MINPP1: variants seen among roughly 807,000 people sequenced by gnomAD.
MINPP1 encodes the protein multiple inositol polyphosphate phosphatase 1.
Under a neutral mutation model 46.1 loss-of-function variants are expected in MINPP1, and 28 were observed. The observed-to-expected ratio is 0.61, with a 90% CI of 0.45 to 0.83. The LOEUF is 0.83. MINPP1 is among the 40% of genes least tolerant of loss of function. MINPP1 has a pLI of 0.00. For missense variants in MINPP1, 603 were observed against 610.0 expected (o/e 0.99, Z 0.12); for synonymous variants, 268 against 249.1 (o/e 1.08, Z -0.72).
intron 4 of MINPP1, among the ~76,000 whole-genome samples, chr10:87,534,999 A>T (rs2131830234): frequency 6.6e-6 from 1 of 152,362 alleles, no homozygotes; most frequent in African/African-American, 2.4e-5. Context: ...ATAAGAAGTT[A>T]TACCCGCTAC....
At chr10:87,510,947 A>G (rs1376509131) in intron 2 of MINPP1, among the ~76,000 whole-genome samples, 4 of 152,218 alleles carry the variant, frequency 2.6e-5, no homozygotes, top group African/African-American at 9.6e-5. Context: ...ATCTTCCAAC[A>G]GTAGATATTA....
Position 87,513,109 on chromosome 10 carries a change from T to C in MINPP1, c.836-15T>C, listed in dbSNP as rs1165283539. On this transcript the variant is annotated splice_polypyrimidine_tract_variant and intron_variant, in intron 2 of 4. Transcript: ENST00000371996. ...AAATAATGACCCACAAAATTTTACC[T>C]TTTTTTCCCCCCAGATTTAATTCAA... 1.3e-6 allele frequency: 2 copies of C among 1,591,648 alleles called. No individual in the cohort carries two copies. The highest frequency in any genetic ancestry group is 8.6e-7 in the Non-Finnish European group (1 of 1,160,418).
chr10:87,525,124 G>T (rs572425990), intron 4 of MINPP1, among the ~76,000 whole-genome samples: 1 of 152,284 alleles, frequency 6.6e-6, no homozygotes, highest in South Asian at 2.1e-4. Flanking sequence ...CAAAGCACAA[G>T]ATGAGGTAAT....
At chr10:87,527,848 TG>T (rs563012034) in intron 4 of MINPP1, among the ~76,000 whole-genome samples, 1,710 of 152,308 alleles carry the variant, frequency 0.011, 36 homozygotes, top group African/African-American at 0.039. Context: ...GGACTTTTTT[TG>T]GTTGGTAGGC....
intron 4 of MINPP1, among the ~76,000 whole-genome samples, chr10:87,550,664 C>T (rs145902668): frequency 4.6e-5 from 7 of 152,126 alleles, no homozygotes; most frequent in Non-Finnish European, 7.4e-5. Flanking sequence ...AGAGCCCCCC[C>T]GTTCTGGTGT....
intron 4 of MINPP1, among the ~76,000 whole-genome samples, chr10:87,522,163 G>A (rs986547012): frequency 5.3e-5 from 8 of 151,892 alleles, no homozygotes; most frequent in African/African-American, 1.2e-4. Flanking sequence ...AAAAAAAAAC[G>A]GAATGAAATA....
chr10:87,539,202 A>G (rs1300421196), intron 4 of MINPP1, among the ~76,000 whole-genome samples: 1 of 152,188 alleles, frequency 6.6e-6, no homozygotes, highest in East Asian at 1.9e-4. Context: ...TTCTATCCAG[A>G]CATTTATATA....
chr10:87,538,383 A>G (rs968625561), intron 4 of MINPP1, among the ~76,000 whole-genome samples: 2 of 152,160 alleles, frequency 1.3e-5, no homozygotes, highest in Non-Finnish European at 2.9e-5. Flanking sequence ...AAGCTGGGGC[A>G]GTTGTTGGAG....
chr10:87,537,080 G>GCATGTGC (rs1564680634), intron 4 of MINPP1, among the ~76,000 whole-genome samples: 1 of 152,122 alleles, frequency 6.6e-6, no homozygotes, highest in Non-Finnish European at 1.5e-5. Flanking sequence ...GGGATTACAG[G>GCATGTGC]CATGTGCCAC....
rs761738234 is a variant in MINPP1, at chr10:87,508,186, CAA to C, written c.638-149_638-148del. On this transcript the variant is annotated intron_variant, in intron 1 of 4. Coordinates refer to ENST00000371996, the MANE Select transcript of MINPP1 (RefSeq NM_004897.5). ...TTATAAATGGGGAATAATTTTACCC[CAA>C]GAGTTTCCTGACCAATATGTGCTTA... 1.4e-5 allele frequency: 21 copies of C among 1,546,120 alleles called. No homozygotes were observed. In the Admixed American group the frequency reaches 4.1e-4, roughly 30 times the overall value.
chr10:87,518,962 C>A (rs535142114), intron 3 of MINPP1, among the ~76,000 whole-genome samples: 1 of 152,146 alleles, frequency 6.6e-6, no homozygotes, highest in South Asian at 2.1e-4. Context: ...AGTATTCCTT[C>A]CCCCCAGGAT....
intron 1 of MINPP1, chr10:87,508,070 G>C (rs921451903): frequency 2.7e-5 from 40 of 1,466,246 alleles, no homozygotes; most frequent in Non-Finnish European, 3.5e-5. Flanking sequence ...AATGTATGAT[G>C]CAATTTCATT....
intron 4 of MINPP1, among the ~76,000 whole-genome samples, chr10:87,529,761 G>A (rs902658286): frequency 7.9e-5 from 12 of 152,160 alleles, no homozygotes; most frequent in Non-Finnish European, 1.0e-4. Context: ...GCCTTGCTAG[G>A]TTGGGGAAGT....
At chr10:87,516,000 T>G (rs1200426342) in intron 3 of MINPP1, among the ~76,000 whole-genome samples, 1 of 149,106 alleles carries the variant, frequency 6.7e-6, no homozygotes, top group Non-Finnish European at 1.5e-5. Flanking sequence ...GGCTAATGTT[T>G]GTATTTTTAG....
chr10:87,520,934 G>T (rs1032754552), intron 3 of MINPP1, 102 bp from the exon 4 acceptor site: 1 of 627,866 alleles, frequency 1.6e-6, no homozygotes, highest in African/African-American at 1.8e-5. Flanking sequence ...GTGCAGAATG[G>T]TAATTAAACA....
chr10:87,507,743 T>C, intron 1 of MINPP1: 1 of 723,348 alleles, frequency 1.4e-6, no homozygotes, highest in Non-Finnish European at 1.7e-6. Flanking sequence ...TTATTAAATT[T>C]TATATAGAAA....
rs1286602698 is a variant in MINPP1 at position 87,538,108 on chromosome 10, A to T, written c.1068-13974A>T. ...GAGTAATCTGTAATTAGCTCTGCTA[A>T]TTTTTTTTTTTTTTTTACCTATTCC... On this transcript the variant is annotated intron_variant, in intron 4 of 4. Coordinates refer to ENST00000371996, the MANE Select transcript of MINPP1 (RefSeq NM_004897.5). Among the ~76,000 whole-genome samples the T allele has an allele frequency of 4.4e-4, 63 of 142,880 alleles. 3 individuals carry two copies. In the South Asian group the frequency reaches 0.014, roughly 32 times the overall value. 93.7% of individuals were successfully genotyped at this position (142,880 alleles called of 152,430 possible).
At chr10:87,538,821 C>T (rs560253043) in intron 4 of MINPP1, among the ~76,000 whole-genome samples, 13 of 152,322 alleles carry the variant, frequency 8.5e-5, no homozygotes, top group African/African-American at 2.2e-4. Flanking sequence ...CTTTGCATAA[C>T]ATCAATTGAG....
chr10:87,534,017 T>C (rs1851696909), intron 4 of MINPP1, among the ~76,000 whole-genome samples: 1 of 151,548 alleles, frequency 6.6e-6, no homozygotes, highest in Non-Finnish European at 1.5e-5. Context: ...GGAATCTCTG[T>C]AGTGTTGAAA....
Sources: allele counts gnomAD v4.1 joint callset (sites outside exome capture counted in the v4.1 genomes callset), GRCh38; gene constraint gnomAD v4.1.1; transcripts MANE v1.5; gene names NCBI Gene and HGNC (gene_info 2026-07-23, HGNC 2026-07-21).